Variants in SH3PXD2A observed in about 807,000 individuals in gnomAD.
The protein encoded by SH3PXD2A is SH3 and PX domain-containing protein 2A.
Under a neutral mutation model 115.2 loss-of-function variants are expected in SH3PXD2A, and 32 were observed. The ratio of observed to expected loss-of-function variants is 0.28; its 90% CI spans 0.21 to 0.37. The LOEUF (loss-of-function observed/expected upper bound fraction) is 0.37. Among genes scored for constraint, SH3PXD2A ranks in the 10% least tolerant of loss-of-function variants. SH3PXD2A has a pLI of 1.00. For missense variants in SH3PXD2A, 1,328 were observed against 1,498.7 expected (o/e 0.89, Z 1.88); for synonymous variants, 610 against 629.1 (o/e 0.97, Z 0.45).
At chr10:103,680,054 A>G (rs1474182501) in intron 6 of SH3PXD2A, among the ~76,000 whole-genome samples, 2 of 151,910 alleles carry the variant, frequency 1.3e-5, no homozygotes, top group Admixed American at 6.6e-5. Flanking sequence ...ATCTCTGCTC[A>G]CTGCAACCTC....
chr10:103,730,047 G>A (rs2038295654), intron 4 of SH3PXD2A, among the ~76,000 whole-genome samples: 1 of 152,168 alleles, frequency 6.6e-6, no homozygotes, highest in African/African-American at 2.4e-5. Flanking sequence ...AGGGGGCCCC[G>A]GCAGACTGTG....
chr10:103,605,827 T>C lies in SH3PXD2A; in HGVS notation c.1399A>G (p.Ile467Val), dbSNP rs2036291758. 6.2e-7 allele frequency: 1 copy of C among 1,613,610 alleles called. No individual in the cohort carries two copies. The highest frequency in any genetic ancestry group is 8.5e-7 in the Non-Finnish European group (1 of 1,179,492). The change falls in exon 14 of 15, where the codon ATC (isoleucine) becomes GTC (valine). Residue 467 changes from isoleucine (I) to valine (V), a missense_variant. By Grantham distance (29) the Ile-to-Val change is conservative. Around this residue, in one of 5 missense-constraint regions of SH3PXD2A, gnomAD observed 509 missense variants for 628.3 expected, o/e 0.81. Coordinates refer to ENST00000369774, the MANE Select transcript of SH3PXD2A (RefSeq NM_001394015.1). ...AEFQSCISDG[I>V]SFRGGQKAEV... The stretch of plus-strand genomic sequence containing the variant: ...GCCTTCTGTCCACCCCGAAAGCTGA[T>C]GCCATCGGAAATGCACGACTGGAAT...
intron 5 of SH3PXD2A, among the ~76,000 whole-genome samples, chr10:103,706,004 GA>G (rs58668048): frequency 0.061 from 5,893 of 96,332 alleles, 334 homozygotes; most frequent in African/African-American, 0.18. Flanking sequence ...GTCTCAAAAA[GA>G]AAAAAAAAAA....
chr10:103,706,133 C>T (rs965187419), intron 5 of SH3PXD2A, among the ~76,000 whole-genome samples: 7 of 152,230 alleles, frequency 4.6e-5, no homozygotes, highest in East Asian at 1.9e-4. Flanking sequence ...GCTGGTGACC[C>T]GCACAGTGGG....
At chr10:103,687,779 C>T (rs1480604444) in intron 6 of SH3PXD2A, among the ~76,000 whole-genome samples, 3 of 152,188 alleles carry the variant, frequency 2.0e-5, no homozygotes, top group Admixed American at 6.5e-5. Flanking sequence ...GGTGCTGCTT[C>T]ACCCTATTCC....
intron 4 of SH3PXD2A, among the ~76,000 whole-genome samples, chr10:103,729,294 G>T (rs1233522330): frequency 6.6e-6 from 1 of 152,174 alleles, no homozygotes; most frequent in Non-Finnish European, 1.5e-5. Flanking sequence ...ATTTGACTGC[G>T]GTGCTGATTT....
intron 1 of SH3PXD2A, among the ~76,000 whole-genome samples, chr10:103,834,468 T>C (rs1490789039): frequency 6.6e-6 from 1 of 152,204 alleles, no homozygotes; most frequent in Non-Finnish European, 1.5e-5. Context: ...GTTTCTTTGG[T>C]GGACATGAAA....
At chr10:103,672,362 T>C (rs1403227143) in intron 6 of SH3PXD2A, among the ~76,000 whole-genome samples, 1 of 152,260 alleles carries the variant, frequency 6.6e-6, no homozygotes, top group African/African-American at 2.4e-5. Flanking sequence ...TCTTGTCTGA[T>C]GGCCTGCCTG....
chr10:103,681,766 G>A (rs1057185325), intron 6 of SH3PXD2A, among the ~76,000 whole-genome samples: 17 of 152,076 alleles, frequency 1.1e-4, no homozygotes, highest in African/African-American at 3.9e-4. Context: ...GCCCGCGCGC[G>A]CGCGCGCACA....
At chr10:103,634,816 T>C (rs2133972117) in intron 8 of SH3PXD2A, among the ~76,000 whole-genome samples, 1 of 152,316 alleles carries the variant, frequency 6.6e-6, no homozygotes, top group East Asian at 1.9e-4. Context: ...CCTAGCTGTG[T>C]GACCTGAGGA....
At chr10:103,755,637 A>G (rs918955242) in intron 3 of SH3PXD2A, among the ~76,000 whole-genome samples, 1 of 152,238 alleles carries the variant, frequency 6.6e-6, no homozygotes, top group South Asian at 2.1e-4. Context: ...ATAGCTACCC[A>G]TCTCAGCCAC....
At chr10:103,811,993 T>C (rs545406166) in intron 1 of SH3PXD2A, among the ~76,000 whole-genome samples, 5 of 152,324 alleles carry the variant, frequency 3.3e-5, no homozygotes, top group Non-Finnish European at 7.3e-5. Flanking sequence ...AGCACAGTCT[T>C]TTGCACTTAT....
intron 3 of SH3PXD2A, among the ~76,000 whole-genome samples, chr10:103,750,521 G>A (rs1007782871): frequency 3.9e-5 from 6 of 152,218 alleles, no homozygotes; most frequent in African/African-American, 1.4e-4. Flanking sequence ...CAGACACCCT[G>A]AATTGAAGTG....
chr10:103,637,127 T>C (rs1162252887), intron 8 of SH3PXD2A, among the ~76,000 whole-genome samples: 1 of 152,166 alleles, frequency 6.6e-6, no homozygotes, highest in African/African-American at 2.4e-5. Flanking sequence ...ACAACACGCA[T>C]CCGGGACTCA....
rs781737501 is a variant in SH3PXD2A, at chr10:103,603,226, CTTGGGGGAGCCTGAT to C, written c.1977_1991del (p.Gly661_Ser665del). 148 of 1,614,052 alleles carry C rather than the reference CTTGGGGGAGCCTGAT, an allele frequency of 9.2e-5. No homozygotes were observed. Among genetic ancestry groups the C allele is most frequent in the Non-Finnish European group, 1.2e-4 (141 of 1,180,040 alleles). ...CCTTGAGCTTTAGGAGTGATGATGACTTGGGGGAGCCTGATTTGGGGGAGTTTTTCCTGGTCAGGG... is the reference window on the plus strand; with the variant it reads ...CCTTGAGCTTTAGGAGTGATGATGACTTGGGGGAGTTTTTCCTGGTCAGGG... On this transcript the variant is annotated inframe_deletion, in exon 15 of 15. Coordinates refer to ENST00000369774, the MANE Select transcript of SH3PXD2A (RefSeq NM_001394015.1).
chr10:103,676,841 A>G (rs1046483036), intron 6 of SH3PXD2A, among the ~76,000 whole-genome samples: 1 of 152,034 alleles, frequency 6.6e-6, no homozygotes, highest in Non-Finnish European at 1.5e-5. Flanking sequence ...CCAGGATCCC[A>G]GCCACCTCCC....
intron 5 of SH3PXD2A, among the ~76,000 whole-genome samples, chr10:103,721,979 G>C (rs1243650853): frequency 2.6e-5 from 4 of 151,970 alleles, no homozygotes; most frequent in African/African-American, 9.7e-5. Flanking sequence ...GTGAGCTCCT[G>C]TTTTGTAATC....
intron 2 of SH3PXD2A, among the ~76,000 whole-genome samples, chr10:103,797,854 C>T (rs1030449546): frequency 6.6e-6 from 1 of 152,106 alleles, no homozygotes; most frequent in Non-Finnish European, 1.5e-5. Flanking sequence ...GCTTCCTGGC[C>T]TCATGGCTGC....
chr10:103,798,596 C>T (rs943293741), intron 2 of SH3PXD2A, among the ~76,000 whole-genome samples: 14 of 152,336 alleles, frequency 9.2e-5, no homozygotes, highest in Middle Eastern at 3.4e-3. Context: ...CTGTGGCCCC[C>T]AGGAGGCTTA....
Sources: gnomAD v4.1 joint callset for allele counts (sites outside exome capture counted in the v4.1 genomes callset) on GRCh38, gnomAD v4.1.1 for gene constraint, gnomAD v4.1.1 regional missense constraint, MANE v1.5 for transcripts, NCBI Gene and HGNC (gene_info 2026-07-23, HGNC 2026-07-21) for gene names.